Variants in RFFL observed in about 807,000 individuals in gnomAD.
RFFL encodes the protein ring finger and FYVE like domain containing E3 ubiquitin protein ligase, also known as E3 ubiquitin-protein ligase rififylin.
In RFFL, 16 loss-of-function variants were observed where a neutral mutation model predicts 40.4. The ratio of observed to expected loss-of-function variants is 0.40; its 90% CI spans 0.27 to 0.60. The LOEUF is 0.60. RFFL is among the 20% of genes least tolerant of loss of function. RFFL has a pLI of 0.47. For missense variants in RFFL, 367 were observed against 451.7 expected, an observed-to-expected ratio of 0.81 and a Z score of 1.70; for synonymous variants, 154 against 167.9, an observed-to-expected ratio of 0.92 and a Z score of 0.64.
At chr17:35,014,846 G>T in intron 5 of RFFL, 83 bp from the exon 6 acceptor site, 2 of 1,364,516 alleles carry the variant, frequency 1.5e-6, no homozygotes, top group South Asian at 1.2e-5. Context: ...CATCATTTCT[G>T]AACTCTTACC....
intron 1 of RFFL, among the ~76,000 whole-genome samples, chr17:35,032,043 C>A (rs1276161501): frequency 1.3e-5 from 2 of 149,338 alleles, no homozygotes; most frequent in East Asian, 2.0e-4. Context: ...TGCAGAGAGC[C>A]GAGATCGCGC....
chr17:35,046,427 A>G (rs1037752717), intron 1 of RFFL, among the ~76,000 whole-genome samples: 4 of 152,170 alleles, frequency 2.6e-5, no homozygotes, highest in African/African-American at 9.7e-5. Context: ...TACCAGACAC[A>G]CCCAGGTCTG....
rs11296826 is a variant in RFFL at position 35,042,823 on chromosome 17, CAA to C, written c.-8-16264_-8-16263del. 9.7e-3 allele frequency among the ~76,000 whole-genome samples: 586 copies of C among 60,452 alleles called. 7 individuals are homozygous for C. In the East Asian group the frequency reaches 0.15, roughly 16 times the overall value. 39.7% of individuals were successfully genotyped at this position (60,452 alleles called of 152,430 possible). A position where few individuals can be genotyped will look rare whatever the true frequency, so the allele number is the denominator to read the frequency against. On this transcript the variant is annotated intron_variant, in intron 1 of 6. Coordinates refer to ENST00000394597, the MANE Select transcript of RFFL (RefSeq NM_001017368.2). ...CTGGCGACAGAATGAGACTCCATCT[CAA>C]AAAAAAAAAAAAAAAAAAAGAAAAG...
chr17:35,045,003 T>C (rs1024273383), intron 1 of RFFL, among the ~76,000 whole-genome samples: 41 of 151,978 alleles, frequency 2.7e-4, no homozygotes, highest in Admixed American at 2.5e-3. Context: ...TCCCAAAGGA[T>C]TGGAATTACA....
At chr17:35,084,543 G>A (rs1406933274) in intron 1 of RFFL, among the ~76,000 whole-genome samples, 3 of 151,992 alleles carry the variant, frequency 2.0e-5, no homozygotes, top group East Asian at 3.9e-4. Context: ...ACAGTGAGCC[G>A]AGATCACCTC....
At chr17:35,075,468 T>TA (rs2091371174) in intron 1 of RFFL, among the ~76,000 whole-genome samples, 1 of 152,164 alleles carries the variant, frequency 6.6e-6, no homozygotes, top group Admixed American at 6.5e-5. Flanking sequence ...GCTAGTAATT[T>TA]AGACAGCTGT....
At chr17:35,039,231 T>C (rs924475719) in intron 1 of RFFL, among the ~76,000 whole-genome samples, 1 of 150,212 alleles carries the variant, frequency 6.7e-6, no homozygotes, top group Non-Finnish European at 1.5e-5. Flanking sequence ...TTTTCTTTTC[T>C]TTTTTTTGAG....
intron 1 of RFFL, among the ~76,000 whole-genome samples, chr17:35,049,211 ACTGAGATATG>A (rs1160444068): frequency 1.3e-5 from 2 of 152,158 alleles, no homozygotes; most frequent in Non-Finnish European, 2.9e-5. Flanking sequence ...GACCATCCAC[ACTGAGATATG>A]CTGCTACTTT....
chr17:35,077,162 T>C (rs1161238655), intron 1 of RFFL, among the ~76,000 whole-genome samples: 1 of 151,358 alleles, frequency 6.6e-6, no homozygotes, highest in South Asian at 2.1e-4. Context: ...CCCTAAGTAT[T>C]ATCAACTTTG....
At chr17:35,028,289 C>G (rs914693119) in intron 1 of RFFL, among the ~76,000 whole-genome samples, 2 of 151,858 alleles carry the variant, frequency 1.3e-5, no homozygotes, top group Non-Finnish European at 2.9e-5. Flanking sequence ...GAGCCGAGAT[C>G]GTGCCACTGC....
intron 1 of RFFL, among the ~76,000 whole-genome samples, chr17:35,068,723 G>GA (rs2091332874): frequency 6.6e-6 from 1 of 152,158 alleles, no homozygotes; most frequent in South Asian, 2.1e-4. Context: ...GTCAGTAATT[G>GA]AAAAAGTAGC....
At chr17:35,025,062 A>G (rs981131334) in intron 2 of RFFL, 3 of 152,174 alleles carry the variant, frequency 2.0e-5, no homozygotes, top group African/African-American at 7.2e-5. Flanking sequence ...TCCCTGTCCA[A>G]CTGCAAGCTC....
chr17:35,066,097 C>A (rs1022149629), upstream of RFFL, among the ~76,000 whole-genome samples: 1 of 152,140 alleles, frequency 6.6e-6, no homozygotes, highest in Non-Finnish European at 1.5e-5. Context: ...CAATCCAGCC[C>A]AGGCGACAGA....
intron 1 of RFFL, among the ~76,000 whole-genome samples, chr17:35,071,540 C>T (rs1254419219): frequency 6.6e-6 from 1 of 151,976 alleles, no homozygotes; most frequent in Non-Finnish European, 1.5e-5. Context: ...CTTGCTTGAA[C>T]CCAGGAGGCA....
At chr17:35,025,681 C>A (rs907034152) in intron 2 of RFFL, among the ~76,000 whole-genome samples, 1 of 152,052 alleles carries the variant, frequency 6.6e-6, no homozygotes, top group Non-Finnish European at 1.5e-5. Flanking sequence ...TGCAGGAGTT[C>A]TTTATCCAGG....
At chr17:35,059,395 T>C (rs1446864032) in intron 1 of RFFL, among the ~76,000 whole-genome samples, 2 of 152,160 alleles carry the variant, frequency 1.3e-5, no homozygotes, top group Non-Finnish European at 2.9e-5. Flanking sequence ...AGCCAACAGC[T>C]AGCTCCAAAG....
intron 1 of RFFL, among the ~76,000 whole-genome samples, chr17:35,081,863 T>C (rs925946464): frequency 1.3e-5 from 2 of 152,138 alleles, no homozygotes; most frequent in Non-Finnish European, 2.9e-5. Flanking sequence ...AGTTAGACAT[T>C]TGCCAAACAA....
At chr17:35,024,347 C>A (rs1288739074) in intron 2 of RFFL, among the ~76,000 whole-genome samples, 1 of 152,142 alleles carries the variant, frequency 6.6e-6, no homozygotes. Context: ...TTTCCCCTTA[C>A]CAGCACCTAA....
At chr17:35,083,541 G>A (rs2091413066) in intron 1 of RFFL, among the ~76,000 whole-genome samples, 1 of 151,820 alleles carries the variant, frequency 6.6e-6, no homozygotes, top group Non-Finnish European at 1.5e-5. Flanking sequence ...AACACTTTGG[G>A]AGGCCAAGGT....
Sources: allele counts gnomAD v4.1 joint callset (sites outside exome capture counted in the v4.1 genomes callset), GRCh38; gene constraint gnomAD v4.1.1; transcripts MANE v1.5; gene names NCBI Gene and HGNC (gene_info 2026-07-23, HGNC 2026-07-21).